SOBP: variants seen among roughly 807,000 people sequenced by gnomAD.
The protein encoded by SOBP is sine oculis-binding protein homolog.
In SOBP, 4 loss-of-function variants were observed where a neutral mutation model predicts 53.6. The observed-to-expected ratio is 0.07, with a 90% CI of 0.04 to 0.17. The LOEUF is 0.17. SOBP is among the 10% of genes least tolerant of loss of function. The probability of loss-of-function intolerance (pLI) is 1.00; values close to 1 mark genes in which losing one functional copy is unlikely to be tolerated. For missense variants in SOBP, 1,088 were observed against 1,204.7 expected, an observed-to-expected ratio of 0.90 and a Z score of 1.43; for synonymous variants, 584 against 522.6, an observed-to-expected ratio of 1.12 and a Z score of -1.60.
intron 3 of SOBP, among the ~76,000 whole-genome samples, chr6:107,516,937 C>A (rs1783338019): frequency 6.6e-6 from 1 of 152,160 alleles, no homozygotes; most frequent in Non-Finnish European, 1.5e-5. Context: ...AGGAAGATTC[C>A]TCCTAAATTG....
In SOBP at chr6:107,634,030, C is replaced by A; in HGVS notation, c.1186C>A (p.Pro396Thr). ...VMTNRGPVPL[P>T]IFMEQQIMQQ... ...GACCAACCGCGGCCCGGTGCCGCTG[C>A]CCATCTTCATGGAGCAGCAGATCAT... is the stretch of plus-strand genomic sequence containing the variant. Residue 396 changes from proline (P) to threonine (T), a missense_variant, in exon 6 of 7, where the codon CCC (proline) becomes ACC (threonine). This residue lies in a region of SOBP where 211 missense variants were observed against 258.9 expected (regional missense o/e 0.82). Transcript: ENST00000317357. This position sits in a 1 kb window ranked among gnomAD's most constrained non-coding sequence, Gnocchi z 4.5. The A allele has an allele frequency of 6.2e-7, 1 of 1,611,268 alleles. No individual in the cohort carries two copies. The highest frequency in any genetic ancestry group is 8.5e-7 in the Non-Finnish European group (1 of 1,178,562).
At chr6:107,559,296 G>A (rs889621112) in intron 4 of SOBP, among the ~76,000 whole-genome samples, 3 of 151,972 alleles carry the variant, frequency 2.0e-5, no homozygotes, top group African/African-American at 7.3e-5. Context: ...ACGCTACACC[G>A]ACGTAAAGGG....
At chr6:107,616,088 G>A (rs1290816351) in intron 5 of SOBP, among the ~76,000 whole-genome samples, 2 of 129,170 alleles carry the variant, frequency 1.5e-5, no homozygotes, top group Non-Finnish European at 3.3e-5. Flanking sequence ...GGGGGGTGGG[G>A]GGGGGGCGGG....
At chr6:107,521,909 AACAC>A (rs34004579) in intron 3 of SOBP, among the ~76,000 whole-genome samples, 3,375 of 139,280 alleles carry the variant, frequency 0.024, 76 homozygotes, top group African/African-American at 0.056. Flanking sequence ...CAGACATTAA[AACAC>A]ACACACACAC....
At chr6:107,649,309 C>G (rs889654633) in intron 6 of SOBP, among the ~76,000 whole-genome samples, 3 of 151,848 alleles carry the variant, frequency 2.0e-5, no homozygotes, top group African/African-American at 7.3e-5. Context: ...CAGGGAGACC[C>G]CATTTCTACA....
chr6:107,582,553 CAAAA>C (rs35473947), intron 4 of SOBP, among the ~76,000 whole-genome samples: 2 of 114,198 alleles, frequency 1.8e-5, no homozygotes, highest in Admixed American at 9.0e-5. Context: ...TCTGTTATGG[CAAAA>C]AAAAAAAAAA....
intron 5 of SOBP, among the ~76,000 whole-genome samples, chr6:107,619,824 C>T (rs544337779): frequency 1.3e-5 from 2 of 152,164 alleles, no homozygotes; most frequent in South Asian, 2.1e-4. Flanking sequence ...GTCCTGGGTA[C>T]GCCACACCCA....
chr6:107,635,064 G>T lies in SOBP; in HGVS notation c.2220G>T (p.Pro740=). The T allele has an allele frequency of 6.5e-7, 1 of 1,540,326 alleles. No homozygotes were observed. Among genetic ancestry groups the T allele is most frequent in the Non-Finnish European group, 8.7e-7 (1 of 1,143,630 alleles). ...AAAEGAKSAE[P]PPEQPPPPPP... Reference sequence around the variant, plus strand: ...CCGAGGGCGCTAAGAGCGCGGAGCCGCCTCCCGAGCAGCCGCCGCCGCCGC... The same window carrying T: ...CCGAGGGCGCTAAGAGCGCGGAGCCTCCTCCCGAGCAGCCGCCGCCGCCGC... Residue 740 remains proline (P), a synonymous_variant, in exon 6 of 7, where the codon CCG becomes CCT. Transcript: ENST00000317357. This position sits in a 1 kb window ranked among gnomAD's most constrained non-coding sequence, Gnocchi z 4.5.
intron 4 of SOBP, among the ~76,000 whole-genome samples, chr6:107,550,111 C>T (rs1011738107): frequency 5.9e-5 from 9 of 152,238 alleles, no homozygotes; most frequent in Admixed American, 1.3e-4. Context: ...GTCACTCAGC[C>T]CCCTTGCAGG....
chr6:107,604,046 C>G (rs936645138), intron 5 of SOBP, among the ~76,000 whole-genome samples: 4 of 152,196 alleles, frequency 2.6e-5, no homozygotes, highest in African/African-American at 9.7e-5. Context: ...TCTGTTTCAC[C>G]TATTTTGTCT....
At chr6:107,510,919 T>A (rs910799365) in intron 3 of SOBP, among the ~76,000 whole-genome samples, 10 of 152,322 alleles carry the variant, frequency 6.6e-5, no homozygotes, top group African/African-American at 2.4e-4. Context: ...GATTCCTGTG[T>A]TAGTGTTCAA....
Position 107,613,145 on chromosome 6 carries a change from C to A in SOBP, c.670-20369C>A, listed in dbSNP as rs781205458. ...TGAGAAGCCCTGAAGTTTCCAGAGACCAAGTGCTGTTTTTAAACAGGAACT... is the reference window on the plus strand; with the variant it reads ...TGAGAAGCCCTGAAGTTTCCAGAGAACAAGTGCTGTTTTTAAACAGGAACT... On this transcript the variant is annotated intron_variant, in intron 5 of 6. Coordinates refer to ENST00000317357, the MANE Select transcript of SOBP (RefSeq NM_018013.4). Among the ~76,000 whole-genome samples the A allele has an allele frequency of 1.6e-3, 249 of 152,306 alleles. 1 individual carries two copies. The highest frequency in any genetic ancestry group is 2.3e-3 in the Non-Finnish European group (157 of 68,014).
At chr6:107,559,044 A>G (rs1784701033) in intron 4 of SOBP, among the ~76,000 whole-genome samples, 1 of 152,194 alleles carries the variant, frequency 6.6e-6, no homozygotes, top group Non-Finnish European at 1.5e-5. Flanking sequence ...TTGAAACTTC[A>G]TCTGCCATAT....
intron 5 of SOBP, among the ~76,000 whole-genome samples, chr6:107,619,262 T>C (rs939850224): frequency 2.6e-5 from 4 of 152,198 alleles, no homozygotes; most frequent in African/African-American, 9.7e-5. Context: ...CCTGGCCCCA[T>C]CTTATGCATC....
intron 3 of SOBP, chr6:107,514,096 T>C (rs1487241950): frequency 6.6e-6 from 1 of 152,618 alleles, no homozygotes; most frequent in Non-Finnish European, 1.5e-5. Context: ...CAAAACACTA[T>C]GGCAGTATTT....
intron 5 of SOBP, among the ~76,000 whole-genome samples, chr6:107,590,846 C>G (rs1168466793): frequency 6.6e-6 from 1 of 152,112 alleles, no homozygotes; most frequent in Non-Finnish European, 1.5e-5. Flanking sequence ...TGCATGTAGT[C>G]CTTAGGCAGT....
chr6:107,562,272 G>T (rs974398383), intron 4 of SOBP, among the ~76,000 whole-genome samples: 11 of 151,950 alleles, frequency 7.2e-5, no homozygotes, highest in Non-Finnish European at 1.6e-4. Context: ...GCCCTCCTGG[G>T]CTTCCCAAAG....
At chr6:107,571,352 A>C (rs867159471) in intron 4 of SOBP, among the ~76,000 whole-genome samples, 8 of 152,144 alleles carry the variant, frequency 5.3e-5, no homozygotes, top group African/African-American at 1.9e-4. Context: ...CCCTGTTGGA[A>C]TCTCCATTAC....
At chr6:107,621,118 A>T in intron 5 of SOBP, 1 of 845,180 alleles carries the variant, frequency 1.2e-6, no homozygotes. Flanking sequence ...ATATTATGAT[A>T]GTACTATTGA....
Sources: gnomAD v4.1 joint callset for allele counts (sites outside exome capture counted in the v4.1 genomes callset) on GRCh38, gnomAD v4.1.1 for gene constraint, gnomAD v4.1.1 regional missense constraint, Gnocchi (gnomAD v3.1) non-coding constraint, MANE v1.5 for transcripts, NCBI Gene and HGNC (gene_info 2026-07-23, HGNC 2026-07-21) for gene names.